AAMDC: variants seen among roughly 807,000 people sequenced by gnomAD.
AAMDC encodes the protein adipogenesis associated Mth938 domain containing.
In AAMDC, 16 loss-of-function variants were observed where a neutral mutation model predicts 15.5. The observed-to-expected ratio is 1.03, with a 90% CI of 0.70 to 1.57. The LOEUF (loss-of-function observed/expected upper bound fraction) is 1.57, where lower values mean the gene tolerates loss of function less well. AAMDC is among the 40% of genes most tolerant of loss of function. AAMDC has a pLI of 0.00. For missense variants in AAMDC, 141 were observed against 144.9 expected (o/e 0.97, Z 0.14); for synonymous variants, 51 against 51.6 (o/e 0.99, Z 0.05).
chr11:77,841,914 T>C (rs748128536), intron 1 of AAMDC, among the ~76,000 whole-genome samples: 4 of 152,224 alleles, frequency 2.6e-5, no homozygotes, highest in Non-Finnish European at 5.9e-5. Flanking sequence ...AAGCCTCCTT[T>C]GGCCATGGCG....
intron 5 of AAMDC, among the ~76,000 whole-genome samples, chr11:77,886,628 A>G (rs989213091): frequency 3.3e-5 from 5 of 152,170 alleles, no homozygotes; most frequent in Admixed American, 3.3e-4. Context: ...CCTACTATCC[A>G]GCGAAACCAC....
At chr11:77,840,743 A>G (rs756214097) in intron 1 of AAMDC, among the ~76,000 whole-genome samples, 17 of 152,062 alleles carry the variant, frequency 1.1e-4, no homozygotes, top group Non-Finnish European at 2.4e-4. Flanking sequence ...AGTGTGGGTC[A>G]TAGTTTTTGT....
chr11:77,862,761 G>A (rs190724288), intron 2 of AAMDC, among the ~76,000 whole-genome samples: 1 of 152,278 alleles, frequency 6.6e-6, no homozygotes, highest in East Asian at 1.9e-4. Context: ...AAGAGGTCTA[G>A]GTGTAAGATG....
At chr11:77,887,414 A>G (rs1421461887) in intron 5 of AAMDC, among the ~76,000 whole-genome samples, 1 of 152,220 alleles carries the variant, frequency 6.6e-6, no homozygotes, top group African/African-American at 2.4e-5. Context: ...TATTGATGAG[A>G]CGTATCTCAA....
At chr11:77,872,024 A>T in intron 3 of AAMDC, 151 bp from the exon 4 acceptor site, 2 of 699,724 alleles carry the variant, frequency 2.9e-6, no homozygotes, top group South Asian at 3.0e-5. Flanking sequence ...ATTGGGGCTC[A>T]CTGCCAAATT....
chr11:77,877,462 C>A (rs1951630406), intron 5 of AAMDC, among the ~76,000 whole-genome samples: 1 of 152,210 alleles, frequency 6.6e-6, no homozygotes, highest in South Asian at 2.1e-4. Flanking sequence ...TTTAATCCAT[C>A]CTACTCAACC....
chr11:77,867,240 CT>C (rs1407333402), intron 2 of AAMDC, among the ~76,000 whole-genome samples: 1 of 152,186 alleles, frequency 6.6e-6, no homozygotes, highest in Non-Finnish European at 1.5e-5. Context: ...TTTGTTATCT[CT>C]TTGATAATTT....
intron 1 of AAMDC, among the ~76,000 whole-genome samples, chr11:77,826,274 A>G (rs1275142583): frequency 2.0e-5 from 3 of 151,870 alleles, no homozygotes; most frequent in Non-Finnish European, 4.4e-5. Flanking sequence ...AGGCAGGAGA[A>G]TCACTTGAAC....
At chr11:77,878,891 C>G (rs1298700216) in intron 5 of AAMDC, 1 of 1,346,446 alleles carries the variant, frequency 7.4e-7, no homozygotes, top group African/African-American at 1.4e-5. Context: ...TCAGGCTTGG[C>G]TCATTCTGAC....
At chr11:77,834,754 A>C (rs1949606850) in intron 1 of AAMDC, among the ~76,000 whole-genome samples, 1 of 152,150 alleles carries the variant, frequency 6.6e-6, no homozygotes, top group African/African-American at 2.4e-5. Flanking sequence ...TGGCTAGGAA[A>C]AGACTGAATA....
intron 3 of AAMDC, 195 bp downstream of exon 3, chr11:77,870,012 A>G: frequency 2.3e-6 from 1 of 426,032 alleles, no homozygotes; most frequent in Non-Finnish European, 4.2e-6. Context: ...ACCCTGAGAC[A>G]GTGTCATTTC....
Position 77,833,007 on chromosome 11 carries a change from A to T in AAMDC, c.-18-9472A>T, listed in dbSNP as rs58935331. The stretch of plus-strand genomic sequence containing the variant: ...TGTGTGTGTGTGTGTGTATATATAT[A>T]TATTTTTTTTTTTTTTTTTTTTGAG... On this transcript the variant is annotated intron_variant, in intron 1 of 3. Transcript: ENST00000393427. Among the ~76,000 whole-genome samples the T allele has an allele frequency of 4.2e-3, 216 of 51,944 alleles. 22 individuals are homozygous for T. The highest frequency in any genetic ancestry group is 0.011 in the African/African-American group (117 of 10,328). The allele number at this position is 51,944 out of a possible 152,430, so 34.1% of individuals were successfully genotyped here. A position where few individuals can be genotyped will look rare whatever the true frequency, so the allele number is the denominator to read the frequency against.
chr11:77,873,521 G>A (rs530130097), downstream of AAMDC, among the ~76,000 whole-genome samples: 7 of 152,192 alleles, frequency 4.6e-5, no homozygotes, highest in South Asian at 1.2e-3. Flanking sequence ...ATCCATTTAC[G>A]GACAGCCTAT....
At chr11:77,854,987 T>C (rs1950553037) in intron 2 of AAMDC, among the ~76,000 whole-genome samples, 2 of 152,144 alleles carry the variant, frequency 1.3e-5, no homozygotes, top group Non-Finnish European at 2.9e-5. Context: ...GCTTAACACC[T>C]CATGGAAGCC....
downstream of AAMDC, among the ~76,000 whole-genome samples, chr11:77,873,630 CAAAT>C (rs1196559928): frequency 6.6e-6 from 1 of 152,050 alleles, no homozygotes; most frequent in Non-Finnish European, 1.5e-5. Flanking sequence ...GAGAGAAAGA[CAAAT>C]AAGTAAACAA....
At chr11:77,899,174 G>C (rs112706914) in intron 5 of AAMDC, among the ~76,000 whole-genome samples, 19,336 of 152,042 alleles carry the variant, frequency 0.13, 1,412 homozygotes, top group Admixed American at 0.19. Flanking sequence ...CTTGTCCAAG[G>C]GTTACTCAGT....
rs1481203615 is a variant in AAMDC, at chr11:77,872,310, T to G, written c.364T>G (p.Cys122Gly). The G allele has an allele frequency of 6.2e-7, 1 of 1,612,054 alleles. No homozygotes were observed. The highest frequency in any genetic ancestry group is 8.5e-7 in the Non-Finnish European group (1 of 1,179,208). The change falls in exon 4 of 4, where the codon TGC (cysteine) becomes GGC (glycine). Residue 122 changes from cysteine (C) to glycine (G), a missense_variant. Physicochemically the swap from Cys to Gly is radical, Grantham distance 159. Transcript: ENST00000393427. ...VRVGGVFHSTC is the reference protein window; with the variant it reads ...VRVGGVFHSTG The stretch of plus-strand genomic sequence containing the variant: ...GGTGGGAGGTGTCTTCCATTCCACC[T>G]GCTGATGGAGCCTTAAGAGGAGAAT...
At chr11:77,835,069 G>A (rs1446568379) in intron 1 of AAMDC, among the ~76,000 whole-genome samples, 1 of 152,166 alleles carries the variant, frequency 6.6e-6, no homozygotes, top group Admixed American at 6.5e-5. Context: ...TTCTCCCCTT[G>A]AAATCTCTAC....
intron 2 of AAMDC, among the ~76,000 whole-genome samples, chr11:77,854,955 G>C (rs1435487956): frequency 6.6e-6 from 1 of 152,192 alleles, no homozygotes; most frequent in East Asian, 1.9e-4. Context: ...AGCCTCAATT[G>C]TCACACTCTG....
Sources: gnomAD v4.1 joint callset for allele counts (sites outside exome capture counted in the v4.1 genomes callset) on GRCh38, gnomAD v4.1.1 for gene constraint, MANE v1.5 for transcripts, NCBI Gene and HGNC (gene_info 2026-07-23, HGNC 2026-07-21) for gene names.